The following NKAPD1 variants were observed in gnomAD, a reference collection of about 807,000 sequenced individuals.
NKAPD1 encodes uncharacterized protein NKAPD1.
A neutral mutation model predicts 30.9 loss-of-function variants in NKAPD1; 12 were observed. The observed-to-expected ratio is 0.39, with a 90% CI of 0.25 to 0.63. The LOEUF is 0.63. NKAPD1 is among the 20% of genes least tolerant of loss of function. The pLI is 0.51. For missense variants in NKAPD1, 311 were observed against 344.5 expected, an observed-to-expected ratio of 0.90 and a Z score of 0.77; for synonymous variants, 91 against 113.6, an observed-to-expected ratio of 0.80 and a Z score of 1.26.
intron 1 of NKAPD1, among the ~76,000 whole-genome samples, chr11:112,075,117 A>G (rs1353643305): frequency 2.0e-5 from 3 of 152,192 alleles, no homozygotes; most frequent in African/African-American, 7.2e-5. Context: ...GACACTCTCA[A>G]ATCTACGTAT....
At chr11:112,075,766 G>A (rs776926138) in intron 2 of NKAPD1, 123 bp downstream of exon 2, 25 of 870,588 alleles carry the variant, frequency 2.9e-5, no homozygotes, top group Admixed American at 8.8e-5. Flanking sequence ...GGAAGCTTCC[G>A]TACACAGTAG....
intron 2 of NKAPD1, 186 bp downstream of exon 2, chr11:112,075,829 G>T (rs1865318565): frequency 1.7e-6 from 1 of 586,910 alleles, no homozygotes; most frequent in Non-Finnish European, 2.9e-6. Context: ...GATAAGTACT[G>T]TATAACAGAG....
Position 112,082,861 on chromosome 11 carries a change from A to G in NKAPD1, c.771A>G (p.Lys257=), listed in dbSNP as rs142634618. The change falls in exon 6 of 6, where the codon AAA becomes AAG. Residue 257 remains lysine (K), a synonymous_variant. Transcript: ENST00000393047. The stretch of plus-strand genomic sequence containing the variant: ...AAACCAAAAGGAAAAAGAGAGAGAA[A>G]AAAGCCCATACCTCTGTAGCCAACA... ...TKKTKRKKRE[K]KAHTSVANNE... 6.2e-7 allele frequency: 1 copy of G among 1,613,856 alleles called. No homozygotes were observed. The highest frequency in any genetic ancestry group is 1.3e-5 in the African/African-American group (1 of 74,872).
Position 112,085,081 on chromosome 11 carries a change from CTTA to C in NKAPD1, c.*2112_*2114del. On this transcript the variant is annotated 3_prime_UTR_variant, in exon 6 of 6. Transcript: ENST00000393047. Reference sequence around the variant, plus strand: ...TAAAAGAAGAGTTGGAGAATTCACACTTATTGAGTAACTGATGTCATACAACCT... The same window carrying C: ...TAAAAGAAGAGTTGGAGAATTCACACTTGAGTAACTGATGTCATACAACCT... The C allele has an allele frequency of 2.3e-6, 1 of 426,182 alleles. No homozygotes were observed. The highest frequency in any genetic ancestry group is 4.2e-6 in the Non-Finnish European group (1 of 238,906). The allele number at this position is 426,182 out of a possible 1,614,324, so 26.4% of individuals were successfully genotyped here.
At chr11:112,081,947 T>G (rs1274502560) in intron 4 of NKAPD1, 35 bp from the exon 5 acceptor site, 2 of 1,584,062 alleles carry the variant, frequency 1.3e-6, no homozygotes, top group Non-Finnish European at 1.7e-6. Context: ...ATGTATGCAT[T>G]GCTTTAACAA....
intron 4 of NKAPD1, chr11:112,080,805 A>T (rs1865433363): frequency 2.3e-6 from 1 of 441,382 alleles, no homozygotes; most frequent in African/African-American, 2.0e-5. Context: ...ACATGTTACA[A>T]CGTGGCCTTG....
chr11:112,082,380 A>G, intron 5 of NKAPD1, 85 bp from the exon 6 acceptor site: 1 of 1,216,794 alleles, frequency 8.2e-7, no homozygotes, highest in South Asian at 1.9e-5. Flanking sequence ...TGTTAACCTC[A>G]ATTTTTTAAT....
chr11:112,076,313 A>G (rs1865330220), intron 2 of NKAPD1, among the ~76,000 whole-genome samples: 1 of 152,230 alleles, frequency 6.6e-6, no homozygotes, highest in Non-Finnish European at 1.5e-5. Flanking sequence ...TTGCAGTATT[A>G]CAGGTGAGAG....
chr11:112,076,236 G>T (rs1179433217), intron 2 of NKAPD1, among the ~76,000 whole-genome samples: 2 of 151,606 alleles, frequency 1.3e-5, no homozygotes, highest in African/African-American at 4.9e-5. Context: ...TTAGAAAGAT[G>T]GTTTGTCAGC....
chr11:112,078,923 G>C (rs1192980808), intron 3 of NKAPD1, among the ~76,000 whole-genome samples: 1 of 152,140 alleles, frequency 6.6e-6, no homozygotes, highest in African/African-American at 2.4e-5. Flanking sequence ...TTAATAGCTT[G>C]AGTGTAAATA....
intron 5 of NKAPD1, 127 bp from the exon 6 acceptor site, chr11:112,082,333 TTAAAG>T (rs1865470550): frequency 1.1e-5 from 9 of 826,162 alleles, no homozygotes; most frequent in Non-Finnish European, 1.6e-5. Context: ...TATTAAAGTG[TTAAAG>T]TATACATTAA....
In NKAPD1 at chr11:112,081,988, TCA is replaced by T. The variant is rs1389308733; in HGVS notation, c.330_331del (p.His110GlnfsTer4). On this transcript the variant is annotated frameshift_variant, in exon 5 of 6. Coordinates refer to ENST00000393047, the MANE Select transcript of NKAPD1 (RefSeq NM_018195.4). LOFTEE classifies it high-confidence loss of function. ...YEANMPDRWG[H>X]SGYKELYPEE... is the part of the protein sequence containing the mutation. ...GTGATGTGTCATATTACAGATGGGG[TCA>T]CAGTGGTTATAAAGAGTTATACCCT... is the stretch of plus-strand genomic sequence containing the variant. The T allele has an allele frequency of 4.3e-6, 7 of 1,612,352 alleles. No individual in the cohort carries two copies. Among genetic ancestry groups the T allele is most frequent in the Non-Finnish European group, 5.9e-6 (7 of 1,178,820 alleles).
In NKAPD1 at chr11:112,075,602, C is replaced by G. The variant is rs1239010521; in HGVS notation, c.28C>G (p.Leu10Val). 6.8e-6 allele frequency: 11 copies of G among 1,608,278 alleles called. No individual in the cohort carries two copies. The highest frequency in any genetic ancestry group is 8.5e-6 in the Non-Finnish European group (10 of 1,178,478). The change falls in exon 2 of 6, where the codon CTC (leucine) becomes GTC (valine). Residue 10 changes from leucine to valine, a missense_variant. Coordinates refer to ENST00000393047, the MANE Select transcript of NKAPD1 (RefSeq NM_018195.4). ...GTCCCGGATTCCACTGGGGAAGGTC[C>G]TCCTGAGGAATGTCATCCGGCACAC... MSRIPLGKVLLRNVIRHTDA... is the reference protein window; with the variant it reads MSRIPLGKVVLRNVIRHTDA...
At chr11:112,082,419 C>T in intron 5 of NKAPD1, 46 bp from the exon 6 acceptor site, 1 of 1,379,054 alleles carries the variant, frequency 7.3e-7, no homozygotes, top group Non-Finnish European at 9.6e-7. Context: ...AAATAATACG[C>T]TTTTTTTTTA....
At chr11:112,079,863 G>A (rs532191985) in intron 3 of NKAPD1, among the ~76,000 whole-genome samples, 12 of 151,470 alleles carry the variant, frequency 7.9e-5, no homozygotes, top group Admixed American at 3.9e-4. Context: ...CCAGGCTGGA[G>A]TACAATGGCA....
intron 3 of NKAPD1, 65 bp from the exon 4 acceptor site, chr11:112,080,344 A>G (rs746936462): frequency 3.3e-6 from 5 of 1,511,568 alleles, no homozygotes; most frequent in Non-Finnish European, 4.5e-6. Context: ...TTTGTGCATG[A>G]TGTTCCATAA....
At chr11:112,078,361 G>A in intron 3 of NKAPD1, 46 bp downstream of exon 3, 1 of 1,431,472 alleles carries the variant, frequency 7.0e-7, no homozygotes, top group Non-Finnish European at 9.7e-7. Context: ...ATCTTTTTCA[G>A]AATCATCAAC....
intron 1 of NKAPD1, 107 bp from the exon 2 acceptor site, chr11:112,075,460 A>G (rs1169935201): frequency 1.3e-6 from 1 of 771,082 alleles, no homozygotes; most frequent in Non-Finnish European, 2.1e-6. Context: ...TCTGACTTCT[A>G]GTTCAGTGAT....
chr11:112,076,796 A>G (rs1478616697), intron 2 of NKAPD1, among the ~76,000 whole-genome samples: 1 of 152,228 alleles, frequency 6.6e-6, no homozygotes, highest in Non-Finnish European at 1.5e-5. Flanking sequence ...TTCAAGGTCA[A>G]CTGTGTAACC....
Sources: allele counts gnomAD v4.1 joint callset (sites outside exome capture counted in the v4.1 genomes callset), GRCh38; gene constraint gnomAD v4.1.1; transcripts MANE v1.5; gene names NCBI Gene and HGNC (gene_info 2026-07-23, HGNC 2026-07-21).